The following TCF4 variants were observed in gnomAD, a reference collection of about 807,000 sequenced individuals.
TCF4 encodes the protein transcription factor 4, also known as SL3-3 enhancer factor 2.
In TCF4, 3 loss-of-function variants were observed where a neutral mutation model predicts 82.1. The ratio of observed to expected loss-of-function variants is 0.04; its 90% CI spans 0.02 to 0.09. TCF4 has a LOEUF of 0.09. Ranked by LOEUF, TCF4 falls within the 10% of genes least tolerant of loss-of-function variation. The pLI is 1.00. For synonymous variants in TCF4, 276 were observed against 309.6 expected (o/e 0.89, Z 1.14); for missense variants, 518 against 852.7 (o/e 0.61, Z 4.89).
intron 11 of TCF4, among the ~76,000 whole-genome samples, chr18:55,261,774 T>A (rs2058129026): frequency 6.6e-6 from 1 of 152,212 alleles, no homozygotes; most frequent in African/African-American, 2.4e-5. Flanking sequence ...TTGCTATGAC[T>A]TTCCCCTTGC....
At chr18:55,635,787 T>A (rs1292394476) in exon 1 of TCF4, 3 of 1,551,290 alleles carry the variant, frequency 1.9e-6, no homozygotes, top group Admixed American at 2.0e-5. Context: ...TAAAAAATGA[T>A]GGCTGGCTTT....
At chr18:55,585,219 C>T (rs2097628190) in intron 3 of TCF4, 61 bp downstream of exon 3, 1 of 1,502,432 alleles carries the variant, frequency 6.7e-7, no homozygotes, top group African/African-American at 1.4e-5. Context: ...CAAAAACATA[C>T]AATTGAGTAA....
chr18:55,234,280 T>G (rs1262023024), intron 16 of TCF4: 9 of 574,770 alleles, frequency 1.6e-5, no homozygotes, highest in Non-Finnish European at 2.5e-5. Context: ...ATAGCTAAAA[T>G]AAAATTTCCT....
intron 5 of TCF4, among the ~76,000 whole-genome samples, chr18:55,418,329 A>C (rs1453546170): frequency 1.3e-5 from 2 of 152,008 alleles, no homozygotes; most frequent in African/African-American, 2.4e-5. Context: ...TTTATGTTGA[A>C]ACTTATGAAC....
At chr18:55,556,820 T>C (rs1341152994) in intron 3 of TCF4, among the ~76,000 whole-genome samples, 1 of 152,246 alleles carries the variant, frequency 6.6e-6, no homozygotes, top group African/African-American at 2.4e-5. Flanking sequence ...TTCATGAGCA[T>C]TTAGCATCTA....
chr18:55,425,222 C>T (rs1239441065), intron 5 of TCF4, among the ~76,000 whole-genome samples: 1 of 152,136 alleles, frequency 6.6e-6, no homozygotes, highest in Non-Finnish European at 1.5e-5. Flanking sequence ...CATTTACAGG[C>T]AAAGGCAATT....
chr18:55,431,450 T>C (rs2095191508), intron 5 of TCF4, among the ~76,000 whole-genome samples: 2 of 152,180 alleles, frequency 1.3e-5, no homozygotes, highest in Non-Finnish European at 2.9e-5. Flanking sequence ...CAGCTAATTT[T>C]TGTATTTTTA....
chr18:55,415,670 T>C (rs1219702977), intron 5 of TCF4, among the ~76,000 whole-genome samples: 1 of 152,204 alleles, frequency 6.6e-6, no homozygotes, highest in Non-Finnish European at 1.5e-5. Context: ...TAACAGATAT[T>C]TCTTAGCTGC....
chr18:55,385,770 T>C (rs1187062420), intron 6 of TCF4, among the ~76,000 whole-genome samples: 1 of 151,924 alleles, frequency 6.6e-6, no homozygotes. Flanking sequence ...GGGATTAGAG[T>C]CCTTCATCTT....
intron 5 of TCF4, among the ~76,000 whole-genome samples, chr18:55,435,409 T>G (rs959439804): frequency 6.3e-4 from 96 of 152,220 alleles, no homozygotes; most frequent in African/African-American, 2.3e-3. Context: ...TTCTGACCCA[T>G]TTTCAAAACC....
intron 3 of TCF4, among the ~76,000 whole-genome samples, chr18:55,471,639 A>T (rs1292109827): frequency 1.3e-5 from 2 of 152,062 alleles, no homozygotes; most frequent in East Asian, 1.9e-4. Flanking sequence ...GGTGGTGCAC[A>T]CTTGTAGTCC....
At chr18:55,431,910 G>A (rs1480057247) in intron 5 of TCF4, among the ~76,000 whole-genome samples, 1 of 151,858 alleles carries the variant, frequency 6.6e-6, no homozygotes, top group East Asian at 1.9e-4. Flanking sequence ...AGAGGACATA[G>A]GGAGCTACCA....
intron 3 of TCF4, among the ~76,000 whole-genome samples, chr18:55,544,129 G>T (rs895208410): frequency 3.9e-5 from 6 of 152,182 alleles, no homozygotes; most frequent in Non-Finnish European, 5.9e-5. Context: ...AATATTACAA[G>T]AGTGCTGACG....
At chr18:55,571,874 C>CAAA (rs57217543) in intron 3 of TCF4, among the ~76,000 whole-genome samples, 2 of 122,540 alleles carry the variant, frequency 1.6e-5, no homozygotes, top group Admixed American at 8.2e-5. Context: ...ATTTTCTTTT[C>CAAA]AAAAAAAAAA....
chr18:55,627,754 G>C (rs1422644796), intron 2 of TCF4, among the ~76,000 whole-genome samples: 1 of 148,790 alleles, frequency 6.7e-6, no homozygotes, highest in Non-Finnish European at 1.5e-5. Context: ...GACAGAGTGA[G>C]ACTCCATCTC....
chr18:55,608,856 A>G (rs2097704575), intron 2 of TCF4, among the ~76,000 whole-genome samples: 1 of 152,148 alleles, frequency 6.6e-6, no homozygotes, highest in South Asian at 2.1e-4. Context: ...GCTAAATTGG[A>G]AAAAGGTGGG....
intron 15 of TCF4, among the ~76,000 whole-genome samples, chr18:55,236,133 A>T (rs1162193137): frequency 6.6e-6 from 1 of 151,998 alleles, no homozygotes; most frequent in Admixed American, 6.6e-5. Context: ...GGTGGAGATG[A>T]TCACATAAAT....
intron 5 of TCF4, among the ~76,000 whole-genome samples, chr18:55,408,240 C>T (rs558403103): frequency 4.6e-5 from 7 of 152,252 alleles, no homozygotes; most frequent in Admixed American, 2.0e-4. Flanking sequence ...TCCCGTGAAA[C>T]GCCTTGATGA....
chr18:55,469,594 T>A (rs1024836943), intron 3 of TCF4: 1 of 152,232 alleles, frequency 6.6e-6, no homozygotes. Flanking sequence ...CGATTTCCCA[T>A]CCACATTCAT....
Sources: gnomAD v4.1 joint callset for allele counts (sites outside exome capture counted in the v4.1 genomes callset) on GRCh38, gnomAD v4.1.1 for gene constraint, MANE v1.5 for transcripts, NCBI Gene and HGNC (gene_info 2026-07-23, HGNC 2026-07-21) for gene names.